Variants in TMTC2 observed in about 807,000 individuals in gnomAD.
The protein encoded by TMTC2 is transmembrane O-mannosyltransferase targeting cadherins 2.
Under a neutral mutation model 82.4 loss-of-function variants are expected in TMTC2, and 43 were observed. That is an observed-to-expected ratio of 0.52 (90% CI 0.41 to 0.67). TMTC2 has a LOEUF of 0.67. Among genes scored for constraint, TMTC2 ranks in the 30% least tolerant of loss-of-function variants. TMTC2 has a pLI of 0.00. For missense variants in TMTC2, 919 were observed against 1,012.4 expected (o/e 0.91, Z 1.25); for synonymous variants, 408 against 381.9 (o/e 1.07, Z -0.80).
At chr12:82,801,510 ATTTTACAGAGAGCCGATTGGTCTG>A (rs1328219622) in intron 1 of TMTC2, among the ~76,000 whole-genome samples, 2 of 152,082 alleles carry the variant, frequency 1.3e-5, no homozygotes, top group Non-Finnish European at 2.9e-5. Flanking sequence ...TGATTGGTCC[ATTTTACAGAGAGCCGATTGGTCTG>A]TTTTACAGAG....
chr12:83,108,351 G>A (rs548808720), intron 11 of TMTC2, among the ~76,000 whole-genome samples: 18 of 152,110 alleles, frequency 1.2e-4, no homozygotes, highest in South Asian at 4.2e-4. Flanking sequence ...GCTAGCCACC[G>A]AAGTACAGGG....
At chr12:82,714,522 G>T (rs1013093136) in intron 1 of TMTC2, among the ~76,000 whole-genome samples, 3 of 151,824 alleles carry the variant, frequency 2.0e-5, no homozygotes, top group Admixed American at 6.6e-5. Context: ...TTATTTCTAT[G>T]CTAGTGTTTC....
chr12:82,903,660 T>G (rs1874148332), intron 3 of TMTC2, among the ~76,000 whole-genome samples: 2 of 152,050 alleles, frequency 1.3e-5, no homozygotes, highest in Non-Finnish European at 2.9e-5. Context: ...TGATTCACCC[T>G]CCTCGGCCTC....
intron 1 of TMTC2, among the ~76,000 whole-genome samples, chr12:82,783,465 A>C (rs192193466): frequency 2.8e-4 from 43 of 152,022 alleles, no homozygotes; most frequent in Non-Finnish European, 3.8e-4. Flanking sequence ...TGACACTAGG[A>C]TATTTTGTAG....
chr12:82,798,546 C>T (rs1310014414), intron 1 of TMTC2, among the ~76,000 whole-genome samples: 2 of 149,932 alleles, frequency 1.3e-5, no homozygotes, highest in Admixed American at 1.3e-4. Context: ...TGGCTCAAGC[C>T]TGTAATCCCA....
chr12:82,991,108 C>G (rs1879381985), intron 8 of TMTC2, among the ~76,000 whole-genome samples: 1 of 152,102 alleles, frequency 6.6e-6, no homozygotes, highest in African/African-American at 2.4e-5. Context: ...AATGAAGAAT[C>G]TGAGCTTCAA....
chr12:82,954,694 C>A (rs1371290126), intron 4 of TMTC2, among the ~76,000 whole-genome samples: 3 of 152,180 alleles, frequency 2.0e-5, no homozygotes, highest in Non-Finnish European at 4.4e-5. Context: ...CATATCCACA[C>A]TTGAACCTCT....
intron 8 of TMTC2, among the ~76,000 whole-genome samples, chr12:82,988,409 G>T (rs990166895): frequency 2.6e-5 from 4 of 152,172 alleles, no homozygotes; most frequent in African/African-American, 9.7e-5. Flanking sequence ...AAATGGGGTA[G>T]TAAATTGCAG....
At chr12:82,835,790 C>A (rs535171923) in intron 1 of TMTC2, among the ~76,000 whole-genome samples, 1 of 152,260 alleles carries the variant, frequency 6.6e-6, no homozygotes, top group South Asian at 2.1e-4. Context: ...CGCTGTTGCT[C>A]CCTGCCCCTT....
intron 1 of TMTC2, among the ~76,000 whole-genome samples, chr12:82,702,092 T>A (rs1873114337): frequency 6.6e-6 from 1 of 152,186 alleles, no homozygotes; most frequent in Admixed American, 6.5e-5. Flanking sequence ...GTTGGTTATA[T>A]TTGCTTAAGA....
At chr12:82,862,450 A>C (rs1871600179) in intron 2 of TMTC2, among the ~76,000 whole-genome samples, 1 of 152,238 alleles carries the variant, frequency 6.6e-6, no homozygotes, top group African/African-American at 2.4e-5. Context: ...TCAATGTAGC[A>C]ATACTAATAC....
At chr12:83,095,013 G>T (rs1883973581) in intron 11 of TMTC2, among the ~76,000 whole-genome samples, 1 of 152,122 alleles carries the variant, frequency 6.6e-6, no homozygotes, top group South Asian at 2.1e-4. Context: ...AGTTCATAAA[G>T]AGATACTAGG....
At chr12:82,888,106 A>T (rs1873198353) in intron 2 of TMTC2, among the ~76,000 whole-genome samples, 2 of 152,146 alleles carry the variant, frequency 1.3e-5, no homozygotes, top group East Asian at 1.9e-4. Flanking sequence ...ATAATAAAAT[A>T]AAATTAAAAA....
At chr12:82,769,487 G>GA (rs1877167565) in intron 1 of TMTC2, among the ~76,000 whole-genome samples, 1 of 35,634 alleles carries the variant, frequency 2.8e-5, no homozygotes, top group African/African-American at 1.3e-4. Flanking sequence ...CCAAAAAAAA[G>GA]AAAAAGAAAA....
intron 7 of TMTC2, among the ~76,000 whole-genome samples, chr12:82,984,191 A>T (rs915527610): frequency 2.0e-5 from 3 of 152,046 alleles, no homozygotes; most frequent in Non-Finnish European, 4.4e-5. Flanking sequence ...CAACTTCTTA[A>T]GTGCAGATAT....
chr12:83,018,294 C>T (rs774431362), intron 8 of TMTC2, among the ~76,000 whole-genome samples: 2 of 152,126 alleles, frequency 1.3e-5, no homozygotes, highest in Non-Finnish European at 2.9e-5. Flanking sequence ...GCTTTTCTTA[C>T]CATCCCCACA....
At chr12:82,888,663 A>G (rs1169834086) in intron 2 of TMTC2, among the ~76,000 whole-genome samples, 2 of 152,188 alleles carry the variant, frequency 1.3e-5, no homozygotes, top group Non-Finnish European at 2.9e-5. Flanking sequence ...TGAGAGAAAG[A>G]TAGAAACTGA....
chr12:82,712,469 T>C (rs945690315), intron 1 of TMTC2, among the ~76,000 whole-genome samples: 1 of 148,632 alleles, frequency 6.7e-6, no homozygotes. Context: ...ACAGAGTTGA[T>C]GGCAGTGTGA....
intron 8 of TMTC2, among the ~76,000 whole-genome samples, chr12:83,001,210 A>G (rs1364053000): frequency 6.6e-6 from 1 of 152,150 alleles, no homozygotes; most frequent in Non-Finnish European, 1.5e-5. Context: ...TCTCCTCAGA[A>G]AATAGGATTT....
Sources: gnomAD v4.1 joint callset for allele counts (sites outside exome capture counted in the v4.1 genomes callset) on GRCh38, gnomAD v4.1.1 for gene constraint, MANE v1.5 for transcripts, NCBI Gene and HGNC (gene_info 2026-07-23, HGNC 2026-07-21) for gene names.